The following ZNF638 variants were observed in gnomAD, a reference collection of about 807,000 sequenced individuals.
ZNF638 encodes the protein CTCL tumor antigen se33-1.
A neutral mutation model predicts 195.6 loss-of-function variants in ZNF638; 46 were observed. That is an observed-to-expected ratio of 0.24 (90% confidence interval 0.19 to 0.30). The LOEUF is 0.30. Among genes scored for constraint, ZNF638 ranks in the 10% least tolerant of loss-of-function variants. ZNF638 has a pLI of 1.00. For synonymous variants in ZNF638, 845 were observed against 772.0 expected (o/e 1.09, Z -1.57); for missense variants, 2,440 against 2,325.3 (o/e 1.05, Z -1.01).
At chr2:71,368,755 T>C (rs763019999) in intron 7 of ZNF638, among the ~76,000 whole-genome samples, 1 of 152,232 alleles carries the variant, frequency 6.6e-6, no homozygotes, top group Non-Finnish European at 1.5e-5. Flanking sequence ...TATTTTTGGT[T>C]TTATAAGCCA....
At chr2:71,355,629 A>G in intron 2 of ZNF638, 90 bp from the exon 3 acceptor site, 1 of 958,118 alleles carries the variant, frequency 1.0e-6, no homozygotes, top group Admixed American at 3.0e-5. Context: ...TAATTTTTGA[A>G]CAAAATATTA....
rs2080479352 is a variant in ZNF638 at position 71,423,806 on chromosome 2, A to G, written c.4292A>G (p.Lys1431Arg). The G allele has an allele frequency of 6.2e-7, 1 of 1,613,972 alleles. No individual in the cohort carries two copies. The highest frequency in any genetic ancestry group is 1.3e-5 in the African/African-American group (1 of 74,920). Residue 1431 changes from lysine (K) to arginine (R), a missense_variant, in exon 22 of 28, where the codon AAA becomes AGA. Transcript: ENST00000264447. ...VPRDQINAEK[K>R]LSAKEFGLLK... ...AGAGATCAAATAAATGCTGAAAAGAAACTTTCAGCCAAGGAATTTGGTCTG... is the reference window on the plus strand; with the variant it reads ...AGAGATCAAATAAATGCTGAAAAGAGACTTTCAGCCAAGGAATTTGGTCTG...
At chr2:71,336,619 T>A (rs1030680511) in intron 1 of ZNF638, among the ~76,000 whole-genome samples, 5 of 152,194 alleles carry the variant, frequency 3.3e-5, no homozygotes, top group African/African-American at 1.2e-4. Flanking sequence ...TAGTTAATCT[T>A]CACAGCAGCA....
At chr2:71,359,090 C>G (rs922092608) in intron 3 of ZNF638, among the ~76,000 whole-genome samples, 2 of 152,134 alleles carry the variant, frequency 1.3e-5, no homozygotes, top group Non-Finnish European at 2.9e-5. Flanking sequence ...GTGTGATGTT[C>G]TAGAACTGAA....
At chr2:71,378,088 G>T (rs1263514127) in intron 8 of ZNF638, among the ~76,000 whole-genome samples, 2 of 152,094 alleles carry the variant, frequency 1.3e-5, no homozygotes, top group African/African-American at 4.8e-5. Context: ...AGAAGTTATT[G>T]TATAAAATGT....
chr2:71,398,068 T>C (rs1407413437), intron 11 of ZNF638, among the ~76,000 whole-genome samples: 1 of 152,202 alleles, frequency 6.6e-6, no homozygotes, highest in African/African-American at 2.4e-5. Flanking sequence ...TTGGAATTAG[T>C]AATTTTGCTT....
At chr2:71,351,574 C>G (rs2078941283) in intron 2 of ZNF638, among the ~76,000 whole-genome samples, 1 of 152,024 alleles carries the variant, frequency 6.6e-6, no homozygotes, top group South Asian at 2.1e-4. Flanking sequence ...TGATTTTGAA[C>G]TTTTAATTAA....
intron 20 of ZNF638, among the ~76,000 whole-genome samples, chr2:71,409,484 T>A (rs1298748993): frequency 6.6e-6 from 1 of 152,174 alleles, no homozygotes; most frequent in Non-Finnish European, 1.5e-5. Context: ...ATGAAGATAT[T>A]TACTGCAGAA....
chr2:71,411,473 A>ATTTTTTTTTTTTTTTTT (rs1558876869), intron 20 of ZNF638, among the ~76,000 whole-genome samples: 2 of 68,376 alleles, frequency 2.9e-5, no homozygotes, highest in Non-Finnish European at 6.7e-5. Context: ...TTTTATTTTT[A>ATTTTTTTTTTTTTTTTT]ATTTTTTTTT....
At chr2:71,378,153 T>C (rs771464506) in intron 8 of ZNF638, among the ~76,000 whole-genome samples, 1 of 152,192 alleles carries the variant, frequency 6.6e-6, no homozygotes, top group Non-Finnish European at 1.5e-5. Flanking sequence ...ATAATCACAT[T>C]TTTATAAAAT....
intron 20 of ZNF638, 69 bp downstream of exon 20, chr2:71,408,316 T>G (rs2080146012): frequency 6.6e-7 from 1 of 1,520,824 alleles, no homozygotes; most frequent in Non-Finnish European, 8.8e-7. Context: ...CATTCTCAGG[T>G]AGTAGTCAAA....
rs548400836 is a variant in ZNF638 at position 71,364,223 on chromosome 2, G to A, written c.1688G>A (p.Arg563Lys). The change falls in exon 5 of 28, where the codon AGG (arginine) becomes AAG (lysine). Residue 563 changes from arginine (R) to lysine (K), a missense_variant. Physicochemically the swap from Arg to Lys is conservative, Grantham distance 26. This residue lies in a region of ZNF638 where 1,883 missense variants were observed against 1,739.1 expected (regional missense o/e 1.08). Transcript: ENST00000264447. Reference protein sequence around the residue: ...PKCFRSVSPERMSRRSVRSSD... With the variant: ...PKCFRSVSPEKMSRRSVRSSD... ...TGCTTTCGATCAGTTAGCCCTGAGA[G>A]GATGTCAAGGAGATCAGTGAGATCA... 1.9e-6 allele frequency: 3 copies of A among 1,613,990 alleles called. No homozygotes were observed. The highest frequency in any genetic ancestry group is 3.3e-5 in the Admixed American group (2 of 60,010).
chr2:71,352,294 A>G (rs1006821434), intron 2 of ZNF638, among the ~76,000 whole-genome samples: 1 of 152,036 alleles, frequency 6.6e-6, no homozygotes, highest in Non-Finnish European at 1.5e-5. Flanking sequence ...CCTTACTGAC[A>G]TGGTGAAATC....
intron 21 of ZNF638, among the ~76,000 whole-genome samples, chr2:71,419,974 C>CCCCCTTTTT (rs1189202093): frequency 1.5e-4 from 4 of 27,022 alleles, no homozygotes; most frequent in African/African-American, 3.2e-4. Context: ...CCCCCCCCGC[C>CCCCCTTTTT]TTTTTTTTTT....
At chr2:71,407,930 A>G (rs2080138213) in intron 19 of ZNF638, 192 bp from the exon 20 acceptor site, 1 of 470,910 alleles carries the variant, frequency 2.1e-6, no homozygotes. Context: ...CCATTGATGG[A>G]CAGTTGGGTT....
At chr2:71,394,198 T>C (rs1254531356) in intron 10 of ZNF638, among the ~76,000 whole-genome samples, 1 of 152,134 alleles carries the variant, frequency 6.6e-6, no homozygotes, top group East Asian at 1.9e-4. Flanking sequence ...TTGCATCCAT[T>C]GTGGTGTCAA....
rs2080355941 is a variant in ZNF638 at position 71,418,670 on chromosome 2, G to T, written c.3299+31G>T. On this transcript the variant is annotated intron_variant, in intron 21 of 27. Coordinates refer to ENST00000264447, the MANE Select transcript of ZNF638 (RefSeq NM_014497.5). ...TTGCTTTATGTTTACTAACACTTTT[G>T]TATAGTATTTAGTTTCTGAATTTTA... 2.0e-6 allele frequency: 3 copies of T among 1,477,940 alleles called. No individual in the cohort carries two copies. In the South Asian group the frequency reaches 4.1e-5, roughly 20 times the overall value. The allele number at this position is 1,477,940 out of a possible 1,614,324, so 91.6% of individuals were successfully genotyped here.
chr2:71,365,304 C>A, intron 5 of ZNF638, 125 bp from the exon 6 acceptor site: 4 of 751,076 alleles, frequency 5.3e-6, no homozygotes, highest in South Asian at 2.5e-5. Context: ...TGCATAAAAT[C>A]TAGATTTTTG....
At chr2:71,392,475 C>G (rs1385049943) in intron 10 of ZNF638, among the ~76,000 whole-genome samples, 1 of 152,146 alleles carries the variant, frequency 6.6e-6, no homozygotes, top group Non-Finnish European at 1.5e-5. Flanking sequence ...TTGTTTGTTG[C>G]AAAACCTTGA....
Sources: allele counts gnomAD v4.1 joint callset (sites outside exome capture counted in the v4.1 genomes callset), GRCh38; gene constraint gnomAD v4.1.1; regional missense constraint gnomAD v4.1.1; transcripts MANE v1.5; gene names NCBI Gene and HGNC (gene_info 2026-07-23, HGNC 2026-07-21).